Variants in CCDC3 observed in about 807,000 individuals in gnomAD.
CCDC3 encodes the protein coiled-coil domain-containing protein 3.
In CCDC3, 24 loss-of-function variants were observed where a neutral mutation model predicts 21.4. That is an observed-to-expected ratio of 1.12 (90% CI 0.81 to 1.58). The LOEUF (loss-of-function observed/expected upper bound fraction) is 1.58, where lower values mean the gene tolerates loss of function less well. Among genes scored for constraint, CCDC3 ranks in the 40% most tolerant of loss-of-function variants. The probability of loss-of-function intolerance (pLI) is 0.00; values close to 1 mark genes in which losing one functional copy is unlikely to be tolerated. For missense variants in CCDC3, 425 were observed against 360.9 expected (o/e 1.18, Z -1.44); for synonymous variants, 186 against 166.0 (o/e 1.12, Z -0.93).
intron 2 of CCDC3, among the ~76,000 whole-genome samples, chr10:12,918,179 C>T (rs1479406988): frequency 3.9e-5 from 6 of 152,194 alleles, no homozygotes; most frequent in African/African-American, 1.4e-4. Context: ...ATCGGACCCA[C>T]CTTGTCCTGT....
At chr10:13,038,374 CAAAAA>C (rs58667035) in intron 5 of CCDC3, among the ~76,000 whole-genome samples, 2 of 98,840 alleles carry the variant, frequency 2.0e-5, no homozygotes, top group Non-Finnish European at 4.0e-5. Context: ...AGTTGGAAAG[CAAAAA>C]AAAAAAAAAA....
intron 2 of CCDC3, among the ~76,000 whole-genome samples, chr10:12,979,917 A>C (rs971426890): frequency 2.6e-5 from 4 of 152,178 alleles, no homozygotes; most frequent in Non-Finnish European, 5.9e-5. Flanking sequence ...GCCCCATGCT[A>C]GTTTCTACTG....
rs984554683 is a variant in CCDC3 at position 12,957,693 on chromosome 10, G to A, written c.549+40645C>T. On this transcript the variant is annotated intron_variant, in intron 2 of 2. Transcript: ENST00000378825. ...GCGGCACCTCCCTCCTACCTCCCTCGTTGTTCTGGCCATACGATGAGCCTG... is the reference window on the plus strand; with the variant it reads ...GCGGCACCTCCCTCCTACCTCCCTCATTGTTCTGGCCATACGATGAGCCTG... Among the ~76,000 whole-genome samples, 11 of 152,092 alleles carry A rather than the reference G, an allele frequency of 7.2e-5. No homozygotes were observed. In the East Asian group the frequency reaches 9.7e-4, roughly 13 times the overall value.
chr10:12,944,153 T>C (rs1425045595), intron 2 of CCDC3, among the ~76,000 whole-genome samples: 1 of 152,218 alleles, frequency 6.6e-6, no homozygotes, highest in African/African-American at 2.4e-5. Context: ...AATATATTTC[T>C]TTGACATATT....
In CCDC3 at chr10:12,918,900, A is replaced by G. The variant is rs146512103; in HGVS notation, c.550-20221T>C. Among the ~76,000 whole-genome samples, 85 of 152,240 alleles carry G rather than the reference A, an allele frequency of 5.6e-4. 1 individual carries two copies. Among genetic ancestry groups the G allele is most frequent in the African/African-American group, 2.0e-3 (82 of 41,540 alleles). On this transcript the variant is annotated intron_variant, in intron 2 of 2. Transcript: ENST00000378825. ...AACCCCATCTCTACTAAAAAAATACAAAAAATTAGCCATGCATGGTGGTGG... is the reference window on the plus strand; with the variant it reads ...AACCCCATCTCTACTAAAAAAATACGAAAAATTAGCCATGCATGGTGGTGG...
At chr10:13,077,361 G>C (rs1485988116) in intron 3 of CCDC3, among the ~76,000 whole-genome samples, 1 of 152,106 alleles carries the variant, frequency 6.6e-6, no homozygotes, top group Admixed American at 6.5e-5. Flanking sequence ...AATAAAAGAG[G>C]ACACAAACAA....
At position 13,001,318 on chromosome 10, in the gene CCDC3, G is replaced by C; in HGVS notation, c.253C>G (p.Gln85Glu). 1 of 1,606,346 alleles carries C rather than the reference G, an allele frequency of 6.2e-7. No homozygotes were observed. The highest frequency in any genetic ancestry group is 8.5e-7 in the Non-Finnish European group (1 of 1,177,610). The change falls in exon 1 of 3, where the codon CAG (glutamine) becomes GAG (glutamate). Residue 85 changes from glutamine (Q) to glutamate (E), a missense_variant. Transcript: ENST00000378825. The part of the protein sequence containing the change: ...YSAEVEMLCD[Q>E]AWGSMLEVPA... Reference sequence around the variant, plus strand: ...ACCTCCAGCATGCTGCCCCACGCCTGGTCGCACAGCATCTCGACCTCGGCC... The same window carrying C: ...ACCTCCAGCATGCTGCCCCACGCCTCGTCGCACAGCATCTCGACCTCGGCC...
intron 2 of CCDC3, among the ~76,000 whole-genome samples, chr10:12,962,549 G>A (rs1835195501): frequency 6.6e-6 from 1 of 152,206 alleles, no homozygotes; most frequent in Non-Finnish European, 1.5e-5. Context: ...GCTGCAGTAA[G>A]CCAAGATCGC....
At chr10:13,082,516 G>A (rs188912658) in intron 3 of CCDC3, among the ~76,000 whole-genome samples, 4 of 152,350 alleles carry the variant, frequency 2.6e-5, no homozygotes, top group African/African-American at 9.6e-5. Flanking sequence ...GCTGCGGGCA[G>A]GCCTGTCTGA....
chr10:13,005,383 G>T (rs1391451157), upstream of CCDC3, among the ~76,000 whole-genome samples: 1 of 152,168 alleles, frequency 6.6e-6, no homozygotes, highest in Non-Finnish European at 1.5e-5. Flanking sequence ...ATCTGGACCT[G>T]CCCAATCCCA....
intron 2 of CCDC3, among the ~76,000 whole-genome samples, chr10:12,952,164 C>T (rs1018695522): frequency 5.3e-5 from 8 of 152,164 alleles, no homozygotes; most frequent in African/African-American, 1.9e-4. Flanking sequence ...TCTCCCCAGA[C>T]CATGAACATA....
At chr10:12,958,338 G>C (rs1359876384) in intron 2 of CCDC3, among the ~76,000 whole-genome samples, 1 of 152,138 alleles carries the variant, frequency 6.6e-6, no homozygotes, top group Non-Finnish European at 1.5e-5. Context: ...TGAGGCGACA[G>C]ACCTAAGAGC....
At chr10:13,008,099 C>T (rs1402336905) in intron 5 of CCDC3, among the ~76,000 whole-genome samples, 3 of 152,208 alleles carry the variant, frequency 2.0e-5, no homozygotes, top group Middle Eastern at 6.8e-3. Flanking sequence ...CTCCAAAACC[C>T]CATGACAGGG....
At chr10:12,900,690 C>CAAAA (rs547349413) in intron 2 of CCDC3, among the ~76,000 whole-genome samples, 4 of 63,428 alleles carry the variant, frequency 6.3e-5, no homozygotes, top group Non-Finnish European at 8.9e-5. Flanking sequence ...CACTCCATCT[C>CAAAA]AAAAAAAAAA....
intron 2 of CCDC3, among the ~76,000 whole-genome samples, chr10:12,938,254 A>G (rs1471410996): frequency 6.6e-6 from 1 of 152,060 alleles, no homozygotes; most frequent in African/African-American, 2.4e-5. Context: ...ATCACCATCT[A>G]TACCTCTTCA....
At chr10:13,027,438 CCTGT>C (rs1564325167) in intron 5 of CCDC3, among the ~76,000 whole-genome samples, 1 of 152,074 alleles carries the variant, frequency 6.6e-6, no homozygotes, top group Non-Finnish European at 1.5e-5. Flanking sequence ...GAAGTCTTCC[CCTGT>C]CTCTTTCTCT....
chr10:13,098,988 T>C (rs1410980420), intron 2 of CCDC3: 2 of 152,482 alleles, frequency 1.3e-5, no homozygotes, highest in Non-Finnish European at 1.5e-5. Flanking sequence ...GTGCTGGGAT[T>C]ACAGGCGTGA....
intron 3 of CCDC3, among the ~76,000 whole-genome samples, chr10:13,078,631 C>G (rs1836995443): frequency 6.6e-6 from 1 of 152,094 alleles, no homozygotes; most frequent in East Asian, 1.9e-4. Context: ...CAATGATAGA[C>G]TGGATTAAGA....
At chr10:13,090,645 C>T (rs1458228185) in intron 3 of CCDC3, among the ~76,000 whole-genome samples, 1 of 152,158 alleles carries the variant, frequency 6.6e-6, no homozygotes, top group Non-Finnish European at 1.5e-5. Context: ...GCTGCCTGTC[C>T]TGGGTTTCTC....
Sources: allele counts gnomAD v4.1 joint callset (sites outside exome capture counted in the v4.1 genomes callset), GRCh38; gene constraint gnomAD v4.1.1; transcripts MANE v1.5; gene names NCBI Gene and HGNC (gene_info 2026-07-23, HGNC 2026-07-21).